Variants in VCPIP1 observed in about 807,000 individuals in gnomAD.
VCPIP1 encodes the protein valosin containing protein interacting protein 1.
A neutral mutation model predicts 85.0 loss-of-function variants in VCPIP1; 8 were observed. The observed-to-expected ratio is 0.09, with a 90% CI of 0.06 to 0.17. The LOEUF (loss-of-function observed/expected upper bound fraction) is 0.17, where lower values mean the gene tolerates loss of function less well. Among genes scored for constraint, VCPIP1 ranks in the 10% least tolerant of loss-of-function variants. The probability of loss-of-function intolerance (pLI) is 1.00; values close to 1 mark genes in which losing one functional copy is unlikely to be tolerated. For missense variants in VCPIP1, 1,070 were observed against 1,486.3 expected (o/e 0.72, Z 4.61); for synonymous variants, 543 against 544.5 (o/e 1.00, Z 0.04).
intron 2 of VCPIP1, among the ~76,000 whole-genome samples, chr8:66,647,012 A>G (rs112948566): frequency 0.13 from 20,197 of 151,924 alleles, 3,193 homozygotes; most frequent in African/African-American, 0.38. Flanking sequence ...GCAACAGAGC[A>G]AGACTCTGTC....
rs750894538 is a variant in VCPIP1 at position 66,638,936 on chromosome 8, TTCTC to T, written c.2798-3568_2798-3565del. Among the ~76,000 whole-genome samples, 338 of 131,576 alleles carry T rather than the reference TTCTC, an allele frequency of 2.6e-3. 3 individuals are homozygous for T. The highest frequency in any genetic ancestry group is 7.4e-3 in the Middle Eastern group (2 of 272). The allele number at this position is 131,576 out of a possible 152,430, so 86.3% of individuals were successfully genotyped here. A position where few individuals can be genotyped will look rare whatever the true frequency, so the allele number is the denominator to read the frequency against. ...CTGTACAAAAACCTGCAAGAAAACTTTCTCTCTCTCTCTCTCTCTCTCTCTCTCT... is the reference window on the plus strand; with the variant it reads ...CTGTACAAAAACCTGCAAGAAAACTTTCTCTCTCTCTCTCTCTCTCTCTCT... On this transcript the variant is annotated intron_variant, in intron 2 of 2. Transcript: ENST00000310421.
rs1038473281 is a variant in VCPIP1 at position 66,645,922 on chromosome 8, C to T, written c.2797+5536G>A. Among the ~76,000 whole-genome samples, 11 of 152,016 alleles carry T rather than the reference C, an allele frequency of 7.2e-5. No homozygotes were observed. In the East Asian group the frequency reaches 2.1e-3, roughly 29 times the overall value. On this transcript the variant is annotated intron_variant, in intron 2 of 2. Transcript: ENST00000310421. ...TCCAACCCGGGTAACAAAGTGGGAC[C>T]CTGTCTCAATAAAACCAAAAACAAG...
At position 66,634,575 on chromosome 8, in the gene VCPIP1, C is replaced by T. The variant is rs189491128; in HGVS notation, c.3595G>A (p.Val1199Met). 51 of 1,614,096 alleles carry T rather than the reference C, an allele frequency of 3.2e-5. No individual in the cohort carries two copies. Among genetic ancestry groups the T allele is most frequent in the East Asian group, 4.5e-5 (2 of 44,892 alleles). Residue 1199 changes from valine (V) to methionine (M), a missense_variant, in exon 3 of 3, where the codon GTG becomes ATG. Physicochemically the swap from Val to Met is conservative, Grantham distance 21. Coordinates refer to ENST00000310421, the MANE Select transcript of VCPIP1 (RefSeq NM_025054.5). The part of the protein sequence containing the change: ...TRSKAQRGNS[V>M]EELEEMDSQD... Reference sequence around the variant, plus strand: ...CTATCCATCTCTTCAAGCTCCTCCACGGAATTTCCCCTTTGTGCTTTTGAC... The same window carrying T: ...CTATCCATCTCTTCAAGCTCCTCCATGGAATTTCCCCTTTGTGCTTTTGAC...
chr8:66,635,913 CAAAAAAAAA>C (rs1187108604), intron 2 of VCPIP1, among the ~76,000 whole-genome samples: 1 of 75,730 alleles, frequency 1.3e-5, no homozygotes, highest in Non-Finnish European at 2.7e-5. Context: ...AACTCTATCT[CAAAAAAAAA>C]AAAAAAAAAA....
intron 2 of VCPIP1, among the ~76,000 whole-genome samples, chr8:66,648,692 C>T (rs945671665): frequency 1.9e-4 from 29 of 152,022 alleles, no homozygotes; most frequent in Admixed American, 3.9e-4. Context: ...GTAGCTGGGA[C>T]TACAGTCGTG....
At chr8:66,650,004 A>C (rs1460299077) in intron 2 of VCPIP1, among the ~76,000 whole-genome samples, 5 of 152,150 alleles carry the variant, frequency 3.3e-5, no homozygotes, top group Non-Finnish European at 7.3e-5. Context: ...TCAAACACTG[A>C]CTGGATATTT....
chr8:66,636,535 G>T lies in VCPIP1; in HGVS notation c.2798-1163C>A, dbSNP rs576239460. The stretch of plus-strand genomic sequence containing the variant: ...CAAGGTGGGCAGATCATGAGGTCAG[G>T]AGTTTGAGACCAGCCTGGCCAACAG... On this transcript the variant is annotated intron_variant, in intron 2 of 2. Transcript: ENST00000310421. Among the ~76,000 whole-genome samples, 10 of 152,048 alleles carry T rather than the reference G, an allele frequency of 6.6e-5. No homozygotes were observed. In the East Asian group the frequency reaches 1.7e-3, roughly 27 times the overall value.
chr8:66,648,375 G>C (rs892061202), intron 2 of VCPIP1, among the ~76,000 whole-genome samples: 17 of 152,168 alleles, frequency 1.1e-4, no homozygotes, highest in African/African-American at 4.1e-4. Flanking sequence ...GTGTGGCTGT[G>C]CTCCAATAAA....
At position 66,631,006 on chromosome 8, in the gene VCPIP1, G is replaced by A. The variant is rs1810829676; in HGVS notation, c.*3495C>T. 6.6e-6 allele frequency: 1 copy of A among 152,158 alleles called. No homozygotes were observed. The highest frequency in any genetic ancestry group is 6.5e-5 in the Admixed American group (1 of 15,280). 9.4% of individuals were successfully genotyped at this position (152,158 alleles called of 1,614,324 possible). A position where few individuals can be genotyped will look rare whatever the true frequency, so the allele number is the denominator to read the frequency against. ...GTTAAATTATATGATAACCTTGAAT[G>A]GTAGGATGCATTTACTCAACTTAGA... On this transcript the variant is annotated 3_prime_UTR_variant, in exon 3 of 3. Coordinates refer to ENST00000310421, the MANE Select transcript of VCPIP1 (RefSeq NM_025054.5).
At position 66,634,965 on chromosome 8, in the gene VCPIP1, G is replaced by C. The variant is rs1451003628; in HGVS notation, c.3205C>G (p.Pro1069Ala). ...CTAGAAGAAGCTGTGAATACAGAAG[G>C]CTCTGTTTTAGTGGAACTATTACTA... ...DFSNSSTKTE[P>A]SVFTASSSNS... The change falls in exon 3 of 3, where the codon CCT becomes GCT. Residue 1069 changes from proline to alanine, a missense_variant. By Grantham distance (27) the Pro-to-Ala change is conservative. Coordinates refer to ENST00000310421, the MANE Select transcript of VCPIP1 (RefSeq NM_025054.5). 1 of 1,613,414 alleles carries C rather than the reference G, an allele frequency of 6.2e-7. No individual in the cohort carries two copies. Among genetic ancestry groups the C allele is most frequent in the Admixed American group, 1.7e-5 (1 of 59,960 alleles).
chr8:66,654,201 T>C lies in VCPIP1; in HGVS notation c.2711-2657A>G, dbSNP rs367546606. On this transcript the variant is annotated intron_variant, in intron 1 of 2. Transcript: ENST00000310421. The stretch of plus-strand genomic sequence containing the variant: ...ATTAAACCTCTACTGAAGGTCAAAT[T>C]GGCCAGGCTCACGCCTGTAATCCCA... Among the ~76,000 whole-genome samples the C allele has an allele frequency of 2.0e-5, 3 of 152,214 alleles. No individual in the cohort carries two copies. The East Asian group carries it at 5.8e-4, about 29-fold the overall frequency.
intron 1 of VCPIP1, among the ~76,000 whole-genome samples, chr8:66,657,027 T>C (rs1370509586): frequency 2.0e-5 from 3 of 152,026 alleles, no homozygotes; most frequent in Non-Finnish European, 4.4e-5. Context: ...TGCCTCAGCC[T>C]CCCGAGTAGC....
At chr8:66,639,685 A>C (rs1810928650) in intron 2 of VCPIP1, among the ~76,000 whole-genome samples, 1 of 152,202 alleles carries the variant, frequency 6.6e-6, no homozygotes, top group South Asian at 2.1e-4. Context: ...GTAATAGTAT[A>C]GTTTAGTTAT....
In VCPIP1 at chr8:66,633,429, G is replaced by A. The variant is rs559788453; in HGVS notation, c.*1072C>T. 5.2e-5 allele frequency: 8 copies of A among 152,468 alleles called. No individual in the cohort carries two copies. The East Asian group carries it at 1.5e-3, about 29-fold the overall frequency. The allele number at this position is 152,468 out of a possible 1,614,324, so 9.4% of individuals were successfully genotyped here. On this transcript the variant is annotated 3_prime_UTR_variant, in exon 3 of 3. Coordinates refer to ENST00000310421, the MANE Select transcript of VCPIP1 (RefSeq NM_025054.5). ...TTGTTTTTAAGGAATAAGCATGAAA[G>A]CTGCTTCTCAAGGAAACTGGCACTG...
At position 66,634,922 on chromosome 8, in the gene VCPIP1, C is replaced by G; in HGVS notation, c.3248G>C (p.Arg1083Pro). 1 of 1,613,388 alleles carries G rather than the reference C, an allele frequency of 6.2e-7. No individual in the cohort carries two copies. The highest frequency in any genetic ancestry group is 8.5e-7 in the Non-Finnish European group (1 of 1,179,670). ...TASSSNSELIRIAPGVVTMRD... is the reference protein window; with the variant it reads ...TASSSNSELIPIAPGVVTMRD... ...CATTGTTACTACTCCAGGAGCTATTCGAATAAGCTCACTATTACTAGAAGA... is the reference window on the plus strand; with the variant it reads ...CATTGTTACTACTCCAGGAGCTATTGGAATAAGCTCACTATTACTAGAAGA... The change falls in exon 3 of 3, where the codon CGA (arginine) becomes CCA (proline). Residue 1083 changes from arginine (R) to proline (P), a missense_variant. By Grantham distance (103) the Arg-to-Pro change is moderately radical. This residue lies in a region of VCPIP1 where 255 missense variants were observed against 289.5 expected (regional missense o/e 0.88). Transcript: ENST00000310421.
intron 1 of VCPIP1, among the ~76,000 whole-genome samples, chr8:66,659,361 T>C (rs927055300): frequency 3.2e-4 from 48 of 152,138 alleles, no homozygotes; most frequent in Non-Finnish European, 6.5e-4. Flanking sequence ...ATAATGAAGA[T>C]GACTGTCTGC....
intron 2 of VCPIP1, among the ~76,000 whole-genome samples, chr8:66,648,937 A>G (rs1811024604): frequency 6.6e-6 from 1 of 152,096 alleles, no homozygotes; most frequent in Non-Finnish European, 1.5e-5. Context: ...ATGCAGGAAG[A>G]TCACCTGAGC....
chr8:66,645,610 A>G (rs1005307585), intron 2 of VCPIP1, among the ~76,000 whole-genome samples: 4 of 152,096 alleles, frequency 2.6e-5, no homozygotes, highest in African/African-American at 4.8e-5. Flanking sequence ...GAGAGATATT[A>G]AAGACTTAAT....
rs922115717 is a variant in VCPIP1 at position 66,649,438 on chromosome 8, G to C, written c.2797+2020C>G. ...GAGCTGGGAGGATCACCTAAGCCCA[G>C]GTCAAGGCTGCAGTGAGCTATAACT... On this transcript the variant is annotated intron_variant, in intron 2 of 2. Transcript: ENST00000310421. 2.2e-4 allele frequency among the ~76,000 whole-genome samples: 33 copies of C among 152,074 alleles called. 1 individual carries two copies. The highest frequency in any genetic ancestry group is 4.6e-4 in the Non-Finnish European group (31 of 68,028).
Sources: allele counts gnomAD v4.1 joint callset (sites outside exome capture counted in the v4.1 genomes callset), GRCh38; gene constraint gnomAD v4.1.1; regional missense constraint gnomAD v4.1.1; transcripts MANE v1.5; gene names NCBI Gene and HGNC (gene_info 2026-07-23, HGNC 2026-07-21).